CUBN: variants seen among roughly 807,000 people sequenced by gnomAD.
CUBN encodes 460 kDa receptor.
In CUBN, 282 loss-of-function variants were observed where a neutral mutation model predicts 405.3. The observed-to-expected ratio is 0.70, with a 90% CI of 0.63 to 0.77. The LOEUF is 0.77. Ranked by LOEUF, CUBN falls within the 30% of genes least tolerant of loss-of-function variation. The probability of loss-of-function intolerance (pLI) is 0.00; values close to 1 mark genes in which losing one functional copy is unlikely to be tolerated. For missense variants in CUBN, 4,514 were observed against 4,475.2 expected (o/e 1.01, Z -0.25); for synonymous variants, 1,684 against 1,617.0 (o/e 1.04, Z -0.99).
At chr10:17,109,534 T>C in intron 10 of CUBN, 106 bp downstream of exon 10, 1 of 948,356 alleles carries the variant, frequency 1.1e-6, no homozygotes, top group Admixed American at 1.9e-5. Flanking sequence ...GGTTTGAAGG[T>C]CAAAATAACA....
rs368354934 is a variant in CUBN, at chr10:17,035,032, T to C, written c.4017+6001A>G. Among the ~76,000 whole-genome samples the C allele has an allele frequency of 2.0e-3, 296 of 150,138 alleles. 2 individuals are homozygous for C. Among genetic ancestry groups the C allele is most frequent in the African/African-American group, 6.7e-3 (277 of 41,076 alleles). ...GTGATGGCTGACCACTTAACCGGAC[T>C]AAGGTTTTGGGGATTCAAACTTCAA... is the stretch of plus-strand genomic sequence containing the variant. On this transcript the variant is annotated intron_variant, in intron 27 of 66. Coordinates refer to ENST00000377833, the MANE Select transcript of CUBN (RefSeq NM_001081.4).
intron 6 of CUBN, among the ~76,000 whole-genome samples, chr10:17,116,381 T>C (rs1367352878): frequency 1.3e-5 from 2 of 151,796 alleles, no homozygotes; most frequent in African/African-American, 2.4e-5. Flanking sequence ...AGGAGGAGGG[T>C]AGAGGAGTCC....
intron 59 of CUBN, among the ~76,000 whole-genome samples, chr10:16,866,320 T>C (rs1270843671): frequency 6.6e-6 from 1 of 152,226 alleles, no homozygotes; most frequent in Admixed American, 6.5e-5. Context: ...CTCTCTGGTA[T>C]GAGACCCCCT....
chr10:16,908,642 C>T (rs1487374918), intron 48 of CUBN, among the ~76,000 whole-genome samples: 6 of 151,970 alleles, frequency 3.9e-5, no homozygotes, highest in African/African-American at 1.2e-4. Flanking sequence ...TACAATAATT[C>T]GCAAACTATT....
intron 36 of CUBN, among the ~76,000 whole-genome samples, chr10:16,941,858 T>TA (rs1842660160): frequency 6.6e-6 from 1 of 151,784 alleles, no homozygotes; most frequent in Admixed American, 6.6e-5. Flanking sequence ...TATATATATT[T>TA]AAAAAAATGA....
chr10:16,969,535 A>G (rs1240228239), intron 31 of CUBN, among the ~76,000 whole-genome samples: 1 of 152,106 alleles, frequency 6.6e-6, no homozygotes. Flanking sequence ...TTGTATTTTT[A>G]GTAGAGACGG....
chr10:16,854,536 AAG>A (rs948702683), intron 59 of CUBN, among the ~76,000 whole-genome samples: 2 of 152,206 alleles, frequency 1.3e-5, no homozygotes, highest in African/African-American at 4.8e-5. Flanking sequence ...GACCAGGTGA[AAG>A]GACATTGCTG....
At chr10:17,020,936 A>C (rs556845224) in intron 27 of CUBN, among the ~76,000 whole-genome samples, 1 of 152,276 alleles carries the variant, frequency 6.6e-6, no homozygotes, top group East Asian at 1.9e-4. Context: ...AATATTATTA[A>C]ATTTCTTACC....
At chr10:16,853,846 T>C (rs1839790476) in intron 59 of CUBN, among the ~76,000 whole-genome samples, 1 of 152,196 alleles carries the variant, frequency 6.6e-6, no homozygotes, top group Admixed American at 6.5e-5. Flanking sequence ...TTAAGCTTAT[T>C]GGCATGCGTA....
At chr10:16,960,660 G>A (rs1843192727) in intron 31 of CUBN, among the ~76,000 whole-genome samples, 1 of 152,204 alleles carries the variant, frequency 6.6e-6, no homozygotes, top group Non-Finnish European at 1.5e-5. Flanking sequence ...TAAAAATTGA[G>A]AACTAGGGTT....
chr10:17,087,227 A>G (rs12411446), intron 15 of CUBN, among the ~76,000 whole-genome samples: 22,309 of 152,116 alleles, frequency 0.15, 3,100 homozygotes, highest in African/African-American at 0.36. Flanking sequence ...AAAATACAGG[A>G]CAACCTGGGA....
intron 59 of CUBN, among the ~76,000 whole-genome samples, chr10:16,853,057 A>G (rs1484014346): frequency 6.6e-6 from 1 of 152,258 alleles, no homozygotes; most frequent in East Asian, 1.9e-4. Flanking sequence ...AATAATCTCA[A>G]GATGATTAAA....
At chr10:17,122,541 C>T (rs1264708641) in intron 6 of CUBN, 9 of 537,696 alleles carry the variant, frequency 1.7e-5, no homozygotes, top group Middle Eastern at 5.8e-4. Flanking sequence ...GTGCCAATCA[C>T]GGGAGCCTTC....
chr10:17,103,376 C>T (rs1836543607), intron 12 of CUBN, 139 bp from the exon 13 acceptor site: 1 of 677,948 alleles, frequency 1.5e-6, no homozygotes, highest in Admixed American at 2.1e-5. Context: ...ATTCCCTCTC[C>T]TCTGTGCCCT....
chr10:16,867,718 T>C (rs1840227357), intron 59 of CUBN, among the ~76,000 whole-genome samples: 1 of 152,240 alleles, frequency 6.6e-6, no homozygotes, highest in African/African-American at 2.4e-5. Context: ...AAACAGTAAG[T>C]GACTGTAATT....
At chr10:16,896,710 C>A (rs916013066) in intron 54 of CUBN, among the ~76,000 whole-genome samples, 2 of 152,168 alleles carry the variant, frequency 1.3e-5, no homozygotes, top group African/African-American at 2.4e-5. Flanking sequence ...TCTCTTTTGC[C>A]AAATTTGGGA....
In CUBN at chr10:17,068,051, A is replaced by AACAT. The variant is rs772081536; in HGVS notation, c.3008+9_3008+12dup. Reference sequence around the variant, plus strand: ...AGTTTTATTGTTAAACAAACAAACAAACATAACCTTACCTTCCAAGGGATG... The same window carrying AACAT: ...AGTTTTATTGTTAAACAAACAAACAAACATACATAACCTTACCTTCCAAGGGATG... On this transcript the variant is annotated intron_variant, in intron 21 of 66. Transcript: ENST00000377833. 916 of 1,597,032 alleles carry AACAT rather than the reference A, an allele frequency of 5.7e-4. 4 individuals carry two copies. The highest frequency in any genetic ancestry group is 4.5e-4 in the East Asian group (20 of 44,784).
rs142459121 is a variant in CUBN, at chr10:16,942,260, T to C, written c.5343-2023A>G. Among the ~76,000 whole-genome samples, 440 of 152,272 alleles carry C rather than the reference T, an allele frequency of 2.9e-3. 1 individual carries two copies. Among genetic ancestry groups the C allele is most frequent in the African/African-American group, 0.01 (433 of 41,574 alleles). ...CTTTGAATAATTATTTGGGAGTTTC[T>C]CATAAAATTAAATGTACATCCAATT... On this transcript the variant is annotated intron_variant, in intron 36 of 66. Coordinates refer to ENST00000377833, the MANE Select transcript of CUBN (RefSeq NM_001081.4).
intron 17 of CUBN, among the ~76,000 whole-genome samples, chr10:17,072,693 T>C (rs1835767357): frequency 6.6e-6 from 1 of 152,140 alleles, no homozygotes; most frequent in African/African-American, 2.4e-5. Context: ...AGGAAGGTTA[T>C]GGGTGGGGAT....
Sources: allele counts gnomAD v4.1 joint callset (sites outside exome capture counted in the v4.1 genomes callset), GRCh38; gene constraint gnomAD v4.1.1; transcripts MANE v1.5; gene names NCBI Gene and HGNC (gene_info 2026-07-23, HGNC 2026-07-21).